NPAS1: variants seen among roughly 807,000 people sequenced by gnomAD.
NPAS1 encodes the protein neuronal PAS domain-containing protein 1.
In NPAS1, 29 loss-of-function variants were observed where a neutral mutation model predicts 49.2. That is an observed-to-expected ratio of 0.59 (90% CI 0.44 to 0.80). NPAS1 has a LOEUF of 0.80. Ranked by LOEUF, NPAS1 falls within the 30% of genes least tolerant of loss-of-function variation. NPAS1 has a pLI of 0.00. For synonymous variants in NPAS1, 408 were observed against 380.4 expected, an observed-to-expected ratio of 1.07 and a Z score of -0.84; for missense variants, 825 against 835.5, an observed-to-expected ratio of 0.99 and a Z score of 0.15.
chr19:47,036,603 G>A (rs947647034), intron 6 of NPAS1, among the ~76,000 whole-genome samples: 2 of 152,038 alleles, frequency 1.3e-5, no homozygotes, highest in African/African-American at 2.4e-5. Flanking sequence ...CAGGAGTGGT[G>A]GCACAAAGCT....
rs2056911520 is a variant in NPAS1, at chr19:47,032,299, C to A, written c.380C>A (p.Ala127Glu). 1 of 1,614,010 alleles carries A rather than the reference C, an allele frequency of 6.2e-7. No homozygotes were observed. Among genetic ancestry groups the A allele is most frequent in the South Asian group, 1.1e-5 (1 of 91,076 alleles). Residue 127 changes from alanine (A) to glutamate (E), a missense_variant, in exon 4 of 12, where the codon GCA becomes GAA. Physicochemically the swap from Ala to Glu is moderately radical, Grantham distance 107. Transcript: ENST00000602212. ...CCAGCCCCAGGCCGCCGCGGCCCCG[C>A]AGCGCTGGTCTCCGAAGTCTTCGAG... ...AGLAPGRRGP[A>E]ALVSEVFEQH... is the part of the protein sequence containing the mutation.
rs181486866 is a variant in NPAS1 at position 47,034,522 on chromosome 19, G to A, written c.523-1442G>A. ...TGAGTACCTTTTCAGTGAGATTCCT[G>A]GAGGAGGAAGACACCAAAAGGAGGG... On this transcript the variant is annotated intron_variant, in intron 5 of 11. Transcript: ENST00000602212. 7.4e-4 allele frequency among the ~76,000 whole-genome samples: 113 copies of A among 152,234 alleles called. No homozygotes were observed. The East Asian group carries it at 8.5e-3, about 11-fold the overall frequency.
chr19:47,025,666 A>G (rs1599894612), intron 3 of NPAS1, among the ~76,000 whole-genome samples: 1 of 149,058 alleles, frequency 6.7e-6, no homozygotes, highest in Admixed American at 6.7e-5. Flanking sequence ...GCCTCCACCT[A>G]CTAGGCTCAA....
intron 3 of NPAS1, among the ~76,000 whole-genome samples, chr19:47,022,223 C>T (rs1454313204): frequency 1.3e-5 from 2 of 152,264 alleles, no homozygotes; most frequent in South Asian, 2.1e-4. Flanking sequence ...CGCTAATGGG[C>T]GAGATACCCT....
chr19:47,024,970 T>TG (rs2056862563), intron 3 of NPAS1, among the ~76,000 whole-genome samples: 1 of 150,710 alleles, frequency 6.6e-6, no homozygotes, highest in African/African-American at 2.4e-5. Flanking sequence ...CCACCGCGCC[T>TG]GGCTAATTTT....
chr19:47,036,912 AC>A (rs572461781), intron 6 of NPAS1, among the ~76,000 whole-genome samples: 82 of 152,002 alleles, frequency 5.4e-4, no homozygotes, highest in Non-Finnish European at 1.1e-3. Flanking sequence ...AAAGAAAAAA[AC>A]ATTAGCTGGG....
chr19:47,020,364 CG>C (rs1280168240), intron 1 of NPAS1, among the ~76,000 whole-genome samples: 1 of 151,876 alleles, frequency 6.6e-6, no homozygotes, highest in Non-Finnish European at 1.5e-5. Flanking sequence ...GCAGAGGCTG[CG>C]GCGGCTGCGT....
chr19:47,039,705 G>C, intron 8 of NPAS1, 141 bp downstream of exon 8: 1 of 966,170 alleles, frequency 1.0e-6, no homozygotes, highest in Non-Finnish European at 1.5e-6. Context: ...GGATGGGACA[G>C]GGTGATGGGG....
intron 6 of NPAS1, among the ~76,000 whole-genome samples, chr19:47,036,440 C>T (rs1256050546): frequency 6.6e-6 from 1 of 151,148 alleles, no homozygotes; most frequent in East Asian, 1.9e-4. Context: ...TGCACAATCA[C>T]ATTACATAAT....
chr19:47,023,399 T>G (rs2056853743), intron 3 of NPAS1, among the ~76,000 whole-genome samples: 1 of 152,026 alleles, frequency 6.6e-6, no homozygotes, highest in African/African-American at 2.4e-5. Flanking sequence ...ATGGACTTAA[T>G]CGATCCCACC....
chr19:47,036,267 C>A, intron 6 of NPAS1, 138 bp downstream of exon 6: 2 of 969,794 alleles, frequency 2.1e-6, no homozygotes, highest in South Asian at 3.1e-5. Flanking sequence ...CAAAAGGAAT[C>A]GGAGTATAAA....
At chr19:47,037,898 A>G (rs979723193) in intron 6 of NPAS1, among the ~76,000 whole-genome samples, 2 of 152,088 alleles carry the variant, frequency 1.3e-5, no homozygotes, top group Non-Finnish European at 2.9e-5. Flanking sequence ...CTATTCCCCA[A>G]TCCCCTGTTC....
rs553412920 is a variant in NPAS1, at chr19:47,022,230, C to A, written c.358+383C>A. Among the ~76,000 whole-genome samples the A allele has an allele frequency of 2.1e-4, 32 of 152,302 alleles. 1 individual carries two copies. In the South Asian group the frequency reaches 6.2e-3, roughly 30 times the overall value. On this transcript the variant is annotated intron_variant, in intron 3 of 11. Coordinates refer to ENST00000602212, the MANE Select transcript of NPAS1 (RefSeq NM_002517.4). ...CGCCCATTCGCTAATGGGCGAGATA[C>A]CCTGGATCCAGACCTGAGGGGCCCC...
At position 47,045,532 on chromosome 19, in the gene NPAS1, G is replaced by GT; in HGVS notation, c.1655dup (p.Tyr553ValfsTer59). The GT allele has an allele frequency of 6.5e-7, 1 of 1,531,004 alleles. No individual in the cohort carries two copies. Among genetic ancestry groups the GT allele is most frequent in the Non-Finnish European group, 8.7e-7 (1 of 1,145,534 alleles). 94.8% of individuals were successfully genotyped at this position (1,531,004 alleles called of 1,614,324 possible). On this transcript the variant is annotated frameshift_variant, in exon 12 of 12. Transcript: ENST00000602212. LOFTEE classifies it high-confidence loss of function. The stretch of plus-strand genomic sequence containing the variant: ...CTACGGCCCCGCGGAGCTGGGCCTG[G>GT]TGTACCCGCACCTGCAGAGGCTGGG...
At chr19:47,044,386 C>CA (rs77699035) in intron 11 of NPAS1, among the ~76,000 whole-genome samples, 1 of 151,836 alleles carries the variant, frequency 6.6e-6, no homozygotes, top group Admixed American at 6.5e-5. Flanking sequence ...CAAAACAAAA[C>CA]AAAAAACACT....
chr19:47,033,975 TAAAAAAAAAAAAAAAAAAAAAAAAAA>T (rs532811476), intron 5 of NPAS1, among the ~76,000 whole-genome samples: 7 of 100,852 alleles, frequency 6.9e-5, no homozygotes, highest in African/African-American at 2.0e-4. Flanking sequence ...GGCTATGCCT[TAAAAAAAAAAAAAAAAAAAAAAAAAA>T]AAAAAAAAAA....
At chr19:47,028,753 A>C (rs185435251) in intron 3 of NPAS1, among the ~76,000 whole-genome samples, 1 of 152,066 alleles carries the variant, frequency 6.6e-6, no homozygotes, top group African/African-American at 2.4e-5. Context: ...GGAAAAAGGC[A>C]CTTGGGGACC....
intron 3 of NPAS1, among the ~76,000 whole-genome samples, chr19:47,029,770 A>G (rs1384830622): frequency 6.6e-6 from 1 of 152,236 alleles, no homozygotes; most frequent in South Asian, 2.1e-4. Flanking sequence ...GATGTGAAGT[A>G]TGCTGCTATG....
intron 6 of NPAS1, 63 bp downstream of exon 6, chr19:47,036,192 G>A: frequency 6.7e-7 from 1 of 1,484,432 alleles, no homozygotes; most frequent in South Asian, 1.2e-5. Context: ...CCGCTGTACT[G>A]TATCCAGCCA....
Sources: gnomAD v4.1 joint callset for allele counts (sites outside exome capture counted in the v4.1 genomes callset) on GRCh38, gnomAD v4.1.1 for gene constraint, MANE v1.5 for transcripts, NCBI Gene and HGNC (gene_info 2026-07-23, HGNC 2026-07-21) for gene names.